The following GALNT2 variants were observed in gnomAD, a reference collection of about 807,000 sequenced individuals.
GALNT2 encodes the protein UDP-GalNAc:polypeptide N-acetylgalactosaminyltransferase 2.
GALNT2 carries 31 observed loss-of-function variants against 81.4 expected under a neutral mutation model. The observed-to-expected ratio is 0.38, with a 90% CI of 0.29 to 0.51. The LOEUF (loss-of-function observed/expected upper bound fraction) is 0.51, where lower values mean the gene tolerates loss of function less well. Ranked by LOEUF, GALNT2 falls within the 20% of genes least tolerant of loss-of-function variation. The probability of loss-of-function intolerance (pLI) is 0.87; values close to 1 mark genes in which losing one functional copy is unlikely to be tolerated. For synonymous variants in GALNT2, 303 were observed against 287.4 expected (o/e 1.05, Z -0.55); for missense variants, 629 against 765.7 (o/e 0.82, Z 2.11).
chr1:230,139,696 A>G (rs6684537), intron 1 of GALNT2, among the ~76,000 whole-genome samples: 15,854 of 152,292 alleles, frequency 0.1, 1,259 homozygotes, highest in African/African-American at 0.22. Flanking sequence ...CAAGGAAAAT[A>G]CAAGCAAAGC....
rs1367234046 is a variant in GALNT2 at position 230,271,794 on chromosome 1, C to T, written c.1441-2651C>T. 2.6e-5 allele frequency among the ~76,000 whole-genome samples: 4 copies of T among 152,216 alleles called. No individual in the cohort carries two copies. Among genetic ancestry groups the T allele is most frequent in the Admixed American group, 1.3e-4 (2 of 15,280 alleles). On this transcript the variant is annotated intron_variant, in intron 14 of 15. Coordinates refer to ENST00000366672, the MANE Select transcript of GALNT2 (RefSeq NM_004481.5). The surrounding 1 kb of genome is among the most constrained non-coding windows in gnomAD (Gnocchi z 4.2). Reference sequence around the variant, plus strand: ...AGGTGTGCCGCTCTCCCAGCGCCTCCGCATGTCCGGCAGCCACATCCCGGA... The same window carrying T: ...AGGTGTGCCGCTCTCCCAGCGCCTCTGCATGTCCGGCAGCCACATCCCGGA...
At chr1:230,094,602 C>T (rs180877124) in intron 1 of GALNT2, among the ~76,000 whole-genome samples, 223 of 152,274 alleles carry the variant, frequency 1.5e-3, no homozygotes, top group Middle Eastern at 3.4e-3. Flanking sequence ...TGCATCACTG[C>T]ACTCCAGCCT....
At chr1:230,196,203 C>CTCTTCTGTCTCTGGGTG (rs1663690371) in intron 2 of GALNT2, among the ~76,000 whole-genome samples, 1 of 152,230 alleles carries the variant, frequency 6.6e-6, no homozygotes, top group Admixed American at 6.5e-5. Context: ...CCTACTGGGT[C>CTCTTCTGTCTCTGGGTG]TCTTCTGTCT....
intron 3 of GALNT2, among the ~76,000 whole-genome samples, chr1:230,233,640 T>A (rs1158986766): frequency 6.6e-6 from 1 of 151,340 alleles, no homozygotes; most frequent in Non-Finnish European, 1.5e-5. Flanking sequence ...TACAGAATAA[T>A]TTTTTTTTAA....
At chr1:230,172,292 C>A (rs532035112) in intron 1 of GALNT2, among the ~76,000 whole-genome samples, 1 of 152,234 alleles carries the variant, frequency 6.6e-6, no homozygotes, top group Non-Finnish European at 1.5e-5. Flanking sequence ...ACTGGATGGG[C>A]CCCAGTGAGG....
At chr1:230,183,661 A>G (rs1345136264) in intron 2 of GALNT2, among the ~76,000 whole-genome samples, 2 of 152,224 alleles carry the variant, frequency 1.3e-5, no homozygotes, top group Non-Finnish European at 2.9e-5. Context: ...CAAACAACCC[A>G]TTATATGATA....
At chr1:230,063,218 G>A (rs1417545849), upstream of GALNT2, among the ~76,000 whole-genome samples, 1 of 151,906 alleles carries the variant, frequency 6.6e-6, no homozygotes, top group Non-Finnish European at 1.5e-5. Context: ...GTCTGAGGCA[G>A]GAGAATGGCT....
chr1:230,252,638 T>A (rs1665583181), intron 10 of GALNT2, among the ~76,000 whole-genome samples: 1 of 152,074 alleles, frequency 6.6e-6, no homozygotes, highest in African/African-American at 2.4e-5. Flanking sequence ...ATCCTCAAAG[T>A]TATAGGGTTC....
intron 1 of GALNT2, among the ~76,000 whole-genome samples, chr1:230,088,244 T>C (rs546065029): frequency 1.3e-5 from 2 of 152,346 alleles, no homozygotes; most frequent in South Asian, 4.1e-4. Context: ...CATTAAACAG[T>C]AACTCCCATT....
chr1:230,110,295 ATCTCTG>A (rs778955446), intron 1 of GALNT2, among the ~76,000 whole-genome samples: 13 of 152,144 alleles, frequency 8.5e-5, no homozygotes, highest in Non-Finnish European at 1.8e-4. Context: ...GACCAAAAGG[ATCTCTG>A]TCTCTGCTCT....
chr1:230,059,407 G>A (rs1369212520), intron 1 of GALNT2, among the ~76,000 whole-genome samples: 1 of 152,234 alleles, frequency 6.6e-6, no homozygotes, highest in East Asian at 1.9e-4. Flanking sequence ...AATGTATATA[G>A]AGTTTCCTAC....
chr1:230,060,843 C>T (rs1027598927), intron 1 of GALNT2, among the ~76,000 whole-genome samples: 2 of 152,188 alleles, frequency 1.3e-5, no homozygotes, highest in Admixed American at 1.3e-4. Context: ...CATATATGGT[C>T]TTAGATTTAG....
At chr1:230,260,503 G>A (rs964078903) in intron 11 of GALNT2, among the ~76,000 whole-genome samples, 1 of 152,150 alleles carries the variant, frequency 6.6e-6, no homozygotes, top group Non-Finnish European at 1.5e-5. Flanking sequence ...TTTGAAAACA[G>A]TATGACTGGA....
chr1:230,114,520 A>G (rs888485905), intron 1 of GALNT2, among the ~76,000 whole-genome samples: 1 of 152,182 alleles, frequency 6.6e-6, no homozygotes, highest in African/African-American at 2.4e-5. Flanking sequence ...TCTCAGCGAG[A>G]GGAGGGGCTT....
rs2181528 is a variant in GALNT2 at position 230,183,886 on chromosome 1, G to A, written c.220+5575G>A. ...CCAGCCACCTGGGAGGCTGAGGCAG[G>A]AGAATCGCTGGAACCTGGGAGGCGG... On this transcript the variant is annotated intron_variant, in intron 2 of 15. Transcript: ENST00000366672. Among the ~76,000 whole-genome samples, 856 of 152,054 alleles carry A rather than the reference G, an allele frequency of 5.6e-3. 17 individuals are homozygous for A. The highest frequency in any genetic ancestry group is 0.056 in the East Asian group (288 of 5,168).
intron 3 of GALNT2, among the ~76,000 whole-genome samples, chr1:230,234,649 T>G (rs970055672): frequency 3.9e-5 from 6 of 152,174 alleles, no homozygotes; most frequent in Admixed American, 3.9e-4. Flanking sequence ...CTGGTATCAG[T>G]AGTATTACCA....
intron 1 of GALNT2, 122 bp downstream of exon 1, chr1:230,067,528 G>A: frequency 9.3e-6 from 3 of 321,880 alleles, no homozygotes; most frequent in Non-Finnish European, 1.6e-5. Context: ...CGCGTCGCCC[G>A]CCCTCGTCCC....
At chr1:230,075,622 G>A (rs1382440486) in intron 1 of GALNT2, among the ~76,000 whole-genome samples, 1 of 152,096 alleles carries the variant, frequency 6.6e-6, no homozygotes, top group Non-Finnish European at 1.5e-5. Context: ...TGAGTGTTTG[G>A]GAGTACACCA....
chr1:230,267,800 C>T (rs780070267), intron 14 of GALNT2, among the ~76,000 whole-genome samples: 2 of 152,166 alleles, frequency 1.3e-5, no homozygotes, highest in Non-Finnish European at 2.9e-5. Flanking sequence ...CCATCCCCAC[C>T]GTGTCCATGC....
Sources: gnomAD v4.1 joint callset for allele counts (sites outside exome capture counted in the v4.1 genomes callset) on GRCh38, gnomAD v4.1.1 for gene constraint, Gnocchi (gnomAD v3.1) non-coding constraint, MANE v1.5 for transcripts, NCBI Gene and HGNC (gene_info 2026-07-23, HGNC 2026-07-21) for gene names.